Variants in DTNA observed in about 807,000 individuals in gnomAD.
DTNA encodes the protein dystrobrevin alpha, also known as dystrophin-related protein 3.
A neutral mutation model predicts 100.7 loss-of-function variants in DTNA; 43 were observed. The ratio of observed to expected loss-of-function variants is 0.43; its 90% CI spans 0.33 to 0.55. DTNA has a LOEUF of 0.55. DTNA is among the 20% of genes least tolerant of loss of function. DTNA has a pLI of 0.04. For synonymous variants in DTNA, 349 were observed against 347.9 expected, an observed-to-expected ratio of 1.00 and a Z score of -0.04; for missense variants, 798 against 953.9, an observed-to-expected ratio of 0.84 and a Z score of 2.15.
intron 1 of DTNA, among the ~76,000 whole-genome samples, chr18:34,527,897 C>T (rs2042778540): frequency 6.6e-6 from 1 of 152,158 alleles, no homozygotes; most frequent in East Asian, 1.9e-4. Context: ...CTATGAATTC[C>T]TTCTTAAAGT....
intron 6 of DTNA, 48 bp downstream of exon 6, chr18:34,812,161 G>T (rs745664648): frequency 1.9e-6 from 3 of 1,611,936 alleles, no homozygotes; most frequent in South Asian, 2.2e-5. Context: ...AACAGTGGTT[G>T]CTCTCCTTCT....
chr18:34,620,865 A>G (rs2056353966), intron 1 of DTNA, among the ~76,000 whole-genome samples: 1 of 152,168 alleles, frequency 6.6e-6, no homozygotes, highest in African/African-American at 2.4e-5. Flanking sequence ...CACATATCCA[A>G]AACATACCAC....
intron 3 of DTNA, among the ~76,000 whole-genome samples, chr18:34,770,781 A>T (rs921289125): frequency 4.3e-5 from 3 of 69,986 alleles, no homozygotes; most frequent in Admixed American, 4.7e-4. Flanking sequence ...GAAGAATTAT[A>T]TTCTTTTTTT....
chr18:34,871,134 C>G (rs1375698814), intron 17 of DTNA, among the ~76,000 whole-genome samples: 1 of 152,118 alleles, frequency 6.6e-6, no homozygotes, highest in Non-Finnish European at 1.5e-5. Context: ...TCAGGTCTAG[C>G]GGGGAGGGGG....
chr18:34,828,572 T>A (rs919650325), intron 10 of DTNA, among the ~76,000 whole-genome samples: 1 of 152,210 alleles, frequency 6.6e-6, no homozygotes, highest in Non-Finnish European at 1.5e-5. Context: ...AACTGAGGAT[T>A]TGAAGACAAT....
intron 1 of DTNA, among the ~76,000 whole-genome samples, chr18:34,635,588 T>G (rs968509389): frequency 1.3e-5 from 2 of 152,214 alleles, no homozygotes; most frequent in African/African-American, 4.8e-5. Flanking sequence ...ATATATATCC[T>G]TAACTTAGGT....
intron 13 of DTNA, among the ~76,000 whole-genome samples, chr18:34,843,995 C>T (rs77043432): frequency 0.014 from 2,061 of 152,228 alleles, 32 homozygotes; most frequent in African/African-American, 0.048. Flanking sequence ...GTTAACACGA[C>T]TCCTTTTGTT....
At chr18:34,882,994 A>G (rs2096888077) in intron 21 of DTNA, among the ~76,000 whole-genome samples, 1 of 152,170 alleles carries the variant, frequency 6.6e-6, no homozygotes, top group African/African-American at 2.4e-5. Context: ...CAAGGTATGG[A>G]CGGACAGATT....
intron 17 of DTNA, among the ~76,000 whole-genome samples, chr18:34,872,634 C>T (rs1295194592): frequency 6.6e-6 from 1 of 152,158 alleles, no homozygotes; most frequent in African/African-American, 2.4e-5. Context: ...ACTTCTGTAC[C>T]AATTGATAAA....
At chr18:34,590,475 A>C (rs913421749) in intron 1 of DTNA, among the ~76,000 whole-genome samples, 5 of 152,180 alleles carry the variant, frequency 3.3e-5, no homozygotes, top group Admixed American at 2.0e-4. Flanking sequence ...GGAGGAAAAA[A>C]ATAACAGAGG....
intron 1 of DTNA, among the ~76,000 whole-genome samples, chr18:34,747,489 C>G (rs1480659797): frequency 6.6e-6 from 1 of 152,066 alleles, no homozygotes; most frequent in Non-Finnish European, 1.5e-5. Flanking sequence ...TATCCCTCAC[C>G]TCCCTACCAT....
rs1182413610 is a variant in DTNA, at chr18:34,882,151, C to T, written c.2245C>T (p.Leu749Phe). Residue 749 changes from leucine to phenylalanine, a missense_variant, in exon 21 of 23, where the codon CTC becomes TTC. Physicochemically the swap from Leu to Phe is conservative, Grantham distance 22 (BLOSUM62 0). Coordinates refer to ENST00000444659, the MANE Select transcript of DTNA (RefSeq NM_001386795.1). ...NDSVRQLENELQMEEYLKQKL... is the reference protein window; with the variant it reads ...NDSVRQLENEFQMEEYLKQKL... ...CTCTGTCCGGCAGCTGGAGAATGAG[C>T]TCCAGATGGAGGAATACCTGAAACA... The T allele has an allele frequency of 6.2e-7, 1 of 1,613,902 alleles. No homozygotes were observed. The highest frequency in any genetic ancestry group is 8.5e-7 in the Non-Finnish European group (1 of 1,179,986).
chr18:34,616,041 G>A (rs2055212434), intron 1 of DTNA, among the ~76,000 whole-genome samples: 1 of 152,138 alleles, frequency 6.6e-6, no homozygotes, highest in African/African-American at 2.4e-5. Context: ...TAGTGCTACA[G>A]TTAACATACA....
chr18:34,865,101 C>T (rs2096680465), intron 17 of DTNA, among the ~76,000 whole-genome samples: 1 of 152,182 alleles, frequency 6.6e-6, no homozygotes, highest in Non-Finnish European at 1.5e-5. Context: ...ATGTCAAAGG[C>T]AGGAAGTGAA....
At chr18:34,590,613 G>A (rs1166109609) in intron 1 of DTNA, among the ~76,000 whole-genome samples, 1 of 152,122 alleles carries the variant, frequency 6.6e-6, no homozygotes, top group African/African-American at 2.4e-5. Flanking sequence ...TCCACAGAAC[G>A]GTGCTAATAG....
Position 34,790,342 on chromosome 18 carries a change from A to AAATATATATATATATATATATTTTTTT in DTNA, c.149-3695_149-3694insAATATATATATATATATATATTTTTTT, listed in dbSNP as rs1555797364. Among the ~76,000 whole-genome samples, 188 of 148,950 alleles carry AAATATATATATATATATATATTTTTTT rather than the reference A, an allele frequency of 1.3e-3. 3 individuals are homozygous for AAATATATATATATATATATATTTTTTT. Among genetic ancestry groups the AAATATATATATATATATATATTTTTTT allele is most frequent in the Non-Finnish European group, 1.7e-3 (111 of 67,160 alleles). On this transcript the variant is annotated intron_variant, in intron 3 of 22. Coordinates refer to ENST00000444659, the MANE Select transcript of DTNA (RefSeq NM_001386795.1). ...ACAGAGCTCTAAGGTGGTGCATGCA[A>AAATATATATATATATATATATTTTTTT]GGGGTATAAAACCCGGAGACAGGGT...
intron 1 of DTNA, among the ~76,000 whole-genome samples, chr18:34,551,206 T>A (rs573810337): frequency 6.6e-6 from 1 of 152,252 alleles, no homozygotes; most frequent in East Asian, 1.9e-4. Context: ...CCACAGAGAT[T>A]GATAATTTCC....
chr18:34,713,510 G>C (rs543537646), intron 1 of DTNA, among the ~76,000 whole-genome samples: 229 of 152,074 alleles, frequency 1.5e-3, no homozygotes, highest in African/African-American at 5.2e-3. Flanking sequence ...TTTGGTACCA[G>C]TACCATGCTG....
chr18:34,498,481 A>AATAATT (rs1326865454), intron 1 of DTNA, among the ~76,000 whole-genome samples: 35 of 146,236 alleles, frequency 2.4e-4, no homozygotes, highest in Non-Finnish European at 4.4e-4. Context: ...TAATAATAAT[A>AATAATT]ATTTAATCAC....
Sources: allele counts gnomAD v4.1 joint callset (sites outside exome capture counted in the v4.1 genomes callset), GRCh38; gene constraint gnomAD v4.1.1; transcripts MANE v1.5; gene names NCBI Gene and HGNC (gene_info 2026-07-23, HGNC 2026-07-21).